FTCD: variants seen among roughly 807,000 people sequenced by gnomAD.
The protein encoded by FTCD is formimidoyltransferase cyclodeaminase, also known as formimidoyltransferase-cyclodeaminase.
A neutral mutation model predicts 62.9 loss-of-function variants in FTCD; 76 were observed. That is an observed-to-expected ratio of 1.21 (90% confidence interval 1.00 to 1.46). The LOEUF (loss-of-function observed/expected upper bound fraction) is 1.46, where lower values mean the gene tolerates loss of function less well. Among genes scored for constraint, FTCD ranks in the 40% most tolerant of loss-of-function variants. FTCD has a pLI of 0.00. For synonymous variants in FTCD, 397 were observed against 336.9 expected (o/e 1.18, Z -1.95); for missense variants, 845 against 751.3 (o/e 1.12, Z -1.46).
At chr21:46,146,073 T>G in intron 8 of FTCD, 126 bp from the exon 9 acceptor site, 1 of 721,472 alleles carries the variant, frequency 1.4e-6, no homozygotes, top group Non-Finnish European at 2.3e-6. Flanking sequence ...GCTGAGAACC[T>G]GCGGGGACCC....
intron 10 of FTCD, among the ~76,000 whole-genome samples, chr21:46,143,873 A>C (rs1168303155): frequency 6.6e-6 from 1 of 152,172 alleles, no homozygotes; most frequent in Non-Finnish European, 1.5e-5. Context: ...GCCCACCCGC[A>C]GTTATCCCGA....
intron 10 of FTCD, 163 bp from the exon 11 acceptor site, chr21:46,139,086 A>T: frequency 1.0e-4 from 65 of 641,686 alleles, no homozygotes; most frequent in Middle Eastern, 3.3e-4. Context: ...CCTTAGCATC[A>T]GGCTTGGTGG....
chr21:46,151,387 C>T (rs950515973), intron 5 of FTCD, among the ~76,000 whole-genome samples, 171 bp downstream of exon 5: 19 of 152,248 alleles, frequency 1.2e-4, no homozygotes, highest in Admixed American at 3.3e-4. Flanking sequence ...TGCCGACCTG[C>T]GCGGTCCCCG....
chr21:46,147,666 C>T (rs1250899103), intron 7 of FTCD, among the ~76,000 whole-genome samples: 7 of 152,036 alleles, frequency 4.6e-5, no homozygotes, highest in African/African-American at 7.2e-5. Flanking sequence ...CAGCCAGTCA[C>T]GGTGGCTCAC....
In FTCD at chr21:46,150,405, T is replaced by A; in HGVS notation, c.757A>T (p.Thr253Ser). The A allele has an allele frequency of 6.2e-7, 1 of 1,612,492 alleles. No individual in the cohort carries two copies. Among genetic ancestry groups the A allele is most frequent in the Non-Finnish European group, 8.5e-7 (1 of 1,179,888 alleles). The change falls in exon 6 of 14, where the codon ACC (threonine) becomes TCC (serine). Residue 253 changes from threonine (T) to serine (S), a missense_variant. Transcript: ENST00000397746. ...VTALHTVYEE[T>S]CREAQELSLP... ...GGGCTCACCTGTGCTTCTCGGCAGG[T>A]CTCCTCGTAGACCGTGTGCAGTGCC...
In FTCD at chr21:46,136,832, T is replaced by C. The variant is rs1163035651; in HGVS notation, c.*155A>G. The C allele has an allele frequency of 1.3e-6, 2 of 1,550,058 alleles. No individual in the cohort carries two copies. The highest frequency in any genetic ancestry group is 1.7e-6 in the Non-Finnish European group (2 of 1,146,752). ...CATGGGACTAGGGGCCTTCTGTCCC[T>C]GCCAGCGCCTCCATTCCCAGGCGAT... On this transcript the variant is annotated 3_prime_UTR_variant, in exon 14 of 14. Coordinates refer to ENST00000397746, the MANE Select transcript of FTCD (RefSeq NM_206965.2).
downstream of FTCD, chr21:46,136,458 C>G (rs750839289): frequency 1.9e-6 from 3 of 1,612,650 alleles, no homozygotes; most frequent in South Asian, 2.2e-5. Context: ...GCGAGGCTAT[C>G]CTTCCAGCGT....
chr21:46,146,154 G>A (rs2079142585), intron 8 of FTCD, 112 bp downstream of exon 8: 1 of 839,372 alleles, frequency 1.2e-6, no homozygotes, highest in South Asian at 1.5e-5. Context: ...CGCCCAAAGG[G>A]AGGCGCTGGG....
downstream of FTCD, chr21:46,136,386 G>A (rs2078867458): frequency 1.3e-6 from 2 of 1,552,126 alleles, no homozygotes; most frequent in Non-Finnish European, 1.8e-6. Flanking sequence ...CGGGAACTGA[G>A]GACAGGGCCA....
At chr21:46,143,521 T>C (rs2123511341) in intron 10 of FTCD, among the ~76,000 whole-genome samples, 1 of 152,334 alleles carries the variant, frequency 6.6e-6, no homozygotes. Context: ...TATTAATCAT[T>C]AGTTTGTAGC....
chr21:46,138,378 G>A, intron 12 of FTCD, 130 bp downstream of exon 12: 2 of 854,264 alleles, frequency 2.3e-6, no homozygotes. Context: ...AAAGCCCCGG[G>A]AACTGCCCGT....
intron 10 of FTCD, among the ~76,000 whole-genome samples, chr21:46,141,174 G>C (rs2123495999): frequency 6.6e-6 from 1 of 152,222 alleles, no homozygotes; most frequent in African/African-American, 2.4e-5. Flanking sequence ...GTGTCGTTCT[G>C]TTGCCCAGGC....
intron 10 of FTCD, among the ~76,000 whole-genome samples, chr21:46,144,433 CCT>C (rs1489013271): frequency 8.2e-5 from 6 of 73,128 alleles, no homozygotes; most frequent in African/African-American, 3.1e-4. Context: ...CCCTCCCTCC[CCT>C]CTTTCCCCCT....
intron 10 of FTCD, among the ~76,000 whole-genome samples, chr21:46,145,168 C>A (rs1055363629): frequency 2.0e-5 from 3 of 152,204 alleles, no homozygotes; most frequent in Non-Finnish European, 4.4e-5. Flanking sequence ...TCCCTTGTAC[C>A]GGCTGCCATG....
intron 10 of FTCD, among the ~76,000 whole-genome samples, chr21:46,139,887 G>C (rs1432880614): frequency 6.6e-6 from 1 of 152,168 alleles, no homozygotes; most frequent in East Asian, 1.9e-4. Flanking sequence ...CTCACACCCA[G>C]GCCTTGCGGT....
At chr21:46,139,064 GT>G in intron 10 of FTCD, 141 bp from the exon 11 acceptor site, 1 of 726,622 alleles carries the variant, frequency 1.4e-6, no homozygotes, top group South Asian at 1.5e-5. Context: ...TGTTGGGCCA[GT>G]GGTTTATAGC....
chr21:46,150,527 T>C lies in FTCD; in HGVS notation c.637-2A>G. On this transcript the variant is annotated splice_acceptor_variant, in intron 5 of 13. Coordinates refer to ENST00000397746, the MANE Select transcript of FTCD (RefSeq NM_206965.2). LOFTEE classifies it high-confidence loss of function. ...CTGAACTTTCTTCAGACGTCCTGGCTGCAAAGGAAGAGCGTTCCCCAGCCT... is the reference window on the plus strand; with the variant it reads ...CTGAACTTTCTTCAGACGTCCTGGCCGCAAAGGAAGAGCGTTCCCCAGCCT... 1 of 1,613,170 alleles carries C rather than the reference T, an allele frequency of 6.2e-7. No individual in the cohort carries two copies. Among genetic ancestry groups the C allele is most frequent in the Non-Finnish European group, 8.5e-7 (1 of 1,179,980 alleles).
chr21:46,137,376 G>A (rs747701466), intron 12 of FTCD, 42 bp from the exon 13 acceptor site: 1 of 1,441,362 alleles, frequency 6.9e-7, no homozygotes. Flanking sequence ...TCAAGGCTGA[G>A]CAAACTGCCG....
In FTCD at chr21:46,137,085, A is replaced by G; in HGVS notation, c.1540-12T>C. The G allele has an allele frequency of 6.2e-7, 1 of 1,613,722 alleles. No homozygotes were observed. The highest frequency in any genetic ancestry group is 8.5e-7 in the Non-Finnish European group (1 of 1,179,954). The stretch of plus-strand genomic sequence containing the variant: ...ACACGATGGTGGATCTGATGGACAC[A>G]GGGAAAGAGGGGTCTGGTAGTTCCA... On this transcript the variant is annotated splice_polypyrimidine_tract_variant and intron_variant, in intron 13 of 13. Transcript: ENST00000397746.
Sources: allele counts gnomAD v4.1 joint callset (sites outside exome capture counted in the v4.1 genomes callset), GRCh38; gene constraint gnomAD v4.1.1; transcripts MANE v1.5; gene names NCBI Gene and HGNC (gene_info 2026-07-23, HGNC 2026-07-21).